The following SGCZ variants were observed in gnomAD, a reference collection of about 807,000 sequenced individuals.
The protein encoded by SGCZ is zeta-sarcoglycan.
In SGCZ, 40 loss-of-function variants were observed where a neutral mutation model predicts 41.3. That is an observed-to-expected ratio of 0.97 (90% confidence interval 0.75 to 1.26). The LOEUF is 1.26. SGCZ is among the 50% of genes most tolerant of loss of function. The pLI is 0.00. For synonymous variants in SGCZ, 206 were observed against 137.5 expected, an observed-to-expected ratio of 1.50 and a Z score of -3.49; for missense variants, 552 against 369.8, an observed-to-expected ratio of 1.49 and a Z score of -4.04.
chr8:14,295,958 T>C (rs939066030), intron 3 of SGCZ, among the ~76,000 whole-genome samples: 8 of 152,162 alleles, frequency 5.3e-5, no homozygotes, highest in Non-Finnish European at 1.0e-4. Context: ...CTGCAAAGGC[T>C]GTCAGAGAAC....
chr8:14,688,395 G>A (rs187009061), intron 1 of SGCZ, among the ~76,000 whole-genome samples: 2 of 152,140 alleles, frequency 1.3e-5, no homozygotes, highest in Non-Finnish European at 2.9e-5. Flanking sequence ...AGGGATCCAG[G>A]TTCAGCTTTC....
chr8:14,394,367 T>A (rs529629848), intron 2 of SGCZ, among the ~76,000 whole-genome samples: 70 of 152,168 alleles, frequency 4.6e-4, no homozygotes, highest in Non-Finnish European at 9.1e-4. Context: ...GCCAGGATGG[T>A]CTCGATCTCC....
chr8:14,602,531 T>A (rs13253002), intron 1 of SGCZ, among the ~76,000 whole-genome samples: 144,198 of 152,202 alleles, frequency 0.95, 68,444 homozygotes, highest in South Asian at 0.99. Context: ...GTGAAAAAAC[T>A]AATTAATTAA....
chr8:14,285,661 G>T (rs559938617), intron 3 of SGCZ, among the ~76,000 whole-genome samples: 5 of 152,078 alleles, frequency 3.3e-5, no homozygotes, highest in Non-Finnish European at 7.4e-5. Context: ...AGGAAACAAA[G>T]AAGTCCTGAC....
intron 1 of SGCZ, among the ~76,000 whole-genome samples, chr8:15,016,145 A>T (rs898886399): frequency 1.3e-5 from 2 of 152,024 alleles, no homozygotes; most frequent in Non-Finnish European, 2.9e-5. Flanking sequence ...CTTTTGCAAA[A>T]TTTCCTCCAA....
At chr8:14,999,508 G>A (rs932755251) in intron 1 of SGCZ, among the ~76,000 whole-genome samples, 1 of 152,102 alleles carries the variant, frequency 6.6e-6, no homozygotes. Context: ...AAAAGACAAT[G>A]GCACATACAG....
chr8:14,346,459 T>C (rs1802894186), intron 2 of SGCZ, among the ~76,000 whole-genome samples: 1 of 152,024 alleles, frequency 6.6e-6, no homozygotes, highest in Non-Finnish European at 1.5e-5. Flanking sequence ...GAAAAAGAAC[T>C]ATATATAAAT....
rs181938157 is a variant in SGCZ at position 14,818,871 on chromosome 8, T to C, written c.40-263945A>G. ...AGACAGGATTTTAAAAATAATCTAG[T>C]GATGGGGGCAAATAAAGAAAGCCTA... is the stretch of plus-strand genomic sequence containing the variant. On this transcript the variant is annotated intron_variant, in intron 1 of 7. Transcript: ENST00000382080. Among the ~76,000 whole-genome samples, 372 of 151,960 alleles carry C rather than the reference T, an allele frequency of 2.4e-3. 1 individual carries two copies. The highest frequency in any genetic ancestry group is 8.5e-3 in the African/African-American group (354 of 41,464).
At chr8:14,232,399 T>C (rs1370921106) in intron 4 of SGCZ, among the ~76,000 whole-genome samples, 2 of 151,944 alleles carry the variant, frequency 1.3e-5, no homozygotes, top group Admixed American at 6.6e-5. Flanking sequence ...GTGTAAAATA[T>C]GAAAAAGGAA....
chr8:14,766,836 C>G (rs1800052241), intron 1 of SGCZ, among the ~76,000 whole-genome samples: 2 of 151,418 alleles, frequency 1.3e-5, no homozygotes, highest in African/African-American at 4.9e-5. Flanking sequence ...CCTCGGCCTC[C>G]CAAAGTGCTG....
At position 15,064,449 on chromosome 8, in the gene SGCZ, G is replaced by T. The variant is rs565630152; in HGVS notation, c.39+173136C>A. ...ATAGGTAGTTTTCTAGACAAACAAA[G>T]AAATTAAACCTTCTGGACTTAGAGC... On this transcript the variant is annotated intron_variant, in intron 1 of 7. Transcript: ENST00000382080. Among the ~76,000 whole-genome samples, 8 of 145,544 alleles carry T rather than the reference G, an allele frequency of 5.5e-5. No homozygotes were observed. In the East Asian group the frequency reaches 1.4e-3, roughly 26 times the overall value.
At chr8:14,982,282 C>A (rs575331089) in intron 1 of SGCZ, among the ~76,000 whole-genome samples, 5 of 152,130 alleles carry the variant, frequency 3.3e-5, no homozygotes, top group Admixed American at 6.6e-5. Flanking sequence ...ACTACCATTA[C>A]GTGACATATT....
At chr8:14,290,145 A>G (rs1367033480) in intron 3 of SGCZ, among the ~76,000 whole-genome samples, 1 of 152,110 alleles carries the variant, frequency 6.6e-6, no homozygotes, top group Admixed American at 6.6e-5. Flanking sequence ...AAACTGTATT[A>G]AGAACAAAAT....
chr8:14,143,900 T>A (rs773159687), intron 5 of SGCZ, among the ~76,000 whole-genome samples: 1 of 151,968 alleles, frequency 6.6e-6, no homozygotes, highest in African/African-American at 2.4e-5. Context: ...GAGCAGAAGG[T>A]AAAACTGCAT....
chr8:14,965,076 A>G (rs1247747372), intron 1 of SGCZ, among the ~76,000 whole-genome samples: 2 of 152,010 alleles, frequency 1.3e-5, no homozygotes. Flanking sequence ...GTCACAAAAT[A>G]TGTTTCTTGG....
At chr8:14,103,421 T>G (rs1358647100) in intron 6 of SGCZ, among the ~76,000 whole-genome samples, 1 of 152,106 alleles carries the variant, frequency 6.6e-6, no homozygotes, top group African/African-American at 2.4e-5. Flanking sequence ...CCACAGGACT[T>G]TAAGAGGAGG....
At chr8:15,040,768 C>T (rs1430406024) in intron 1 of SGCZ, among the ~76,000 whole-genome samples, 1 of 152,130 alleles carries the variant, frequency 6.6e-6, no homozygotes, top group Admixed American at 6.6e-5. Flanking sequence ...GAAAAAGTCA[C>T]GTCACTAGGG....
chr8:15,197,522 T>C (rs759029528), intron 1 of SGCZ, among the ~76,000 whole-genome samples: 8 of 152,096 alleles, frequency 5.3e-5, no homozygotes, highest in Non-Finnish European at 1.2e-4. Context: ...CAGTTGCAAA[T>C]AATAGAAACT....
At chr8:14,211,650 G>GGAGAGAGA (rs35869144) in intron 4 of SGCZ, among the ~76,000 whole-genome samples, 16 of 150,060 alleles carry the variant, frequency 1.1e-4, no homozygotes, top group African/African-American at 3.9e-4. Flanking sequence ...CAATTAAGCA[G>GGAGAGAGA]GAGAGAGAGA....
Sources: allele counts gnomAD v4.1 joint callset (sites outside exome capture counted in the v4.1 genomes callset), GRCh38; gene constraint gnomAD v4.1.1; transcripts MANE v1.5; gene names NCBI Gene and HGNC (gene_info 2026-07-23, HGNC 2026-07-21).